Variants in NUDT6 observed in about 807,000 individuals in gnomAD.
NUDT6 encodes the protein FAD diphosphatase NUDT6.
In NUDT6, 24 loss-of-function variants were observed where a neutral mutation model predicts 36.8. The observed-to-expected ratio is 0.65, with a 90% CI of 0.47 to 0.92. NUDT6 has a LOEUF of 0.92. Ranked by LOEUF, NUDT6 falls within the 40% of genes least tolerant of loss-of-function variation. NUDT6 has a pLI of 0.00. For missense variants in NUDT6, 388 were observed against 392.8 expected, an observed-to-expected ratio of 0.99 and a Z score of 0.10; for synonymous variants, 163 against 157.0, an observed-to-expected ratio of 1.04 and a Z score of -0.29.
chr4:122,912,745 C>T, intron 2 of NUDT6, 122 bp from the exon 3 acceptor site: 1 of 645,908 alleles, frequency 1.5e-6, no homozygotes, highest in African/African-American at 1.8e-5. Context: ...GGTTCAAATA[C>T]AGGTTGAGTA....
chr4:122,893,577 CCTTT>C (rs1342528428), intron 4 of NUDT6: 4 of 171,124 alleles, frequency 2.3e-5, no homozygotes, highest in Non-Finnish European at 3.7e-5. Flanking sequence ...GGCTGCAGTT[CCTTT>C]GTTTCTTGAG....
chr4:122,917,847 TG>T, intron 1 of NUDT6, 143 bp from the exon 2 acceptor site: 2 of 657,358 alleles, frequency 3.0e-6, no homozygotes, highest in Non-Finnish European at 5.2e-6. Flanking sequence ...TCGCTGGCAC[TG>T]GAAGTACCAT....
In NUDT6 at chr4:122,922,582, G is replaced by T; in HGVS notation, c.-10C>A. ...TCAGTGGCTGCCGCATCTCCACGCC[G>T]CTTAATTCGTCCGTTGCCCAAATGA... On this transcript the variant is annotated 5_prime_UTR_variant, in exon 1 of 5. Coordinates refer to ENST00000304430, the MANE Select transcript of NUDT6 (RefSeq NM_007083.5). 2 of 1,587,852 alleles carry T rather than the reference G, an allele frequency of 1.3e-6. No homozygotes were observed. The highest frequency in any genetic ancestry group is 4.5e-5 in the East Asian group (2 of 44,622).
chr4:122,911,591 G>T (rs532148060), intron 3 of NUDT6, among the ~76,000 whole-genome samples: 1 of 152,154 alleles, frequency 6.6e-6, no homozygotes, highest in African/African-American at 2.4e-5. Flanking sequence ...GGAGCCATAA[G>T]AATAGTTTTA....
At chr4:122,900,955 G>A (rs947739981) in intron 3 of NUDT6, among the ~76,000 whole-genome samples, 10 of 152,004 alleles carry the variant, frequency 6.6e-5, no homozygotes, top group African/African-American at 2.4e-4. Context: ...ACTGAGGATT[G>A]GTTTTGAAAA....
upstream of NUDT6, chr4:122,922,803 A>G (rs1476049001): frequency 1.7e-6 from 1 of 577,222 alleles, no homozygotes; most frequent in East Asian, 2.9e-5. Context: ...CCACTCACTT[A>G]TTTTGTTTGG....
chr4:122,922,445 G>A lies in NUDT6; in HGVS notation c.128C>T (p.Ala43Val). The change falls in exon 1 of 5, where the codon GCG (alanine) becomes GTG (valine). Residue 43 changes from alanine to valine, a missense_variant. Physicochemically the swap from Ala to Val is moderately conservative, Grantham distance 64. Coordinates refer to ENST00000304430, the MANE Select transcript of NUDT6 (RefSeq NM_007083.5). ...QGYVRNPPVGACDLQGELDRF... is the reference protein window; with the variant it reads ...QGYVRNPPVGVCDLQGELDRF... ...GTCCAGCTCGCCCTGCAGATCGCAC[G>A]CTCCAACTGGCGGATTCCGCACGTA... 3 of 1,612,066 alleles carry A rather than the reference G, an allele frequency of 1.9e-6. No individual in the cohort carries two copies. Among genetic ancestry groups the A allele is most frequent in the Non-Finnish European group, 2.5e-6 (3 of 1,179,858 alleles).
At chr4:122,912,429 G>C in intron 3 of NUDT6, 139 bp downstream of exon 3, 2 of 656,272 alleles carry the variant, frequency 3.0e-6, no homozygotes, top group Middle Eastern at 8.6e-4. Flanking sequence ...AAATATCTAA[G>C]GTGATCCATA....
chr4:122,912,628 T>C lies in NUDT6; in HGVS notation c.443-5A>G. 6.5e-7 allele frequency: 1 copy of C among 1,533,324 alleles called. No individual in the cohort carries two copies. Among genetic ancestry groups the C allele is most frequent in the Non-Finnish European group, 9.0e-7 (1 of 1,107,678 alleles). The allele number at this position is 1,533,324 out of a possible 1,614,324, so 95.0% of individuals were successfully genotyped here. On this transcript the variant is annotated splice_polypyrimidine_tract_variant and splice_region_variant and intron_variant, in intron 2 of 4. Transcript: ENST00000304430. ...TACTTTCATCAAATACAGCTCCTAT[T>C]AGGGGAAAAAGAAAAGATAATTGAG...
chr4:122,913,452 T>C (rs987296903), intron 2 of NUDT6, among the ~76,000 whole-genome samples: 2 of 152,150 alleles, frequency 1.3e-5, no homozygotes, highest in African/African-American at 2.4e-5. Flanking sequence ...TTTCAACATA[T>C]GAATTTTAGG....
chr4:122,912,516 C>A, intron 3 of NUDT6, 52 bp downstream of exon 3: 1 of 1,259,586 alleles, frequency 7.9e-7, no homozygotes, highest in South Asian at 1.2e-5. Context: ...TTATTCTTCT[C>A]TAGAAAGAAA....
intron 3 of NUDT6, among the ~76,000 whole-genome samples, chr4:122,902,293 C>A (rs533567488): frequency 3.9e-5 from 6 of 152,256 alleles, no homozygotes; most frequent in African/African-American, 1.4e-4. Flanking sequence ...ATGTACATGG[C>A]AAACCCAGTC....
intron 2 of NUDT6, among the ~76,000 whole-genome samples, chr4:122,915,476 A>AG (rs1560773790): frequency 2.8e-5 from 2 of 71,906 alleles, no homozygotes; most frequent in African/African-American, 4.5e-5. Flanking sequence ...CCTCAAAAAA[A>AG]AAAAAAAAAA....
chr4:122,917,563 A>G lies in NUDT6; in HGVS notation c.380T>C (p.Leu127Pro). The change falls in exon 2 of 5, where the codon CTG becomes CCG. Residue 127 changes from leucine (L) to proline (P), a missense_variant. Coordinates refer to ENST00000304430, the MANE Select transcript of NUDT6 (RefSeq NM_007083.5). ...HAESDSSTLT[L>P]WLREGPSRLP... is the part of the protein sequence containing the mutation. ...TCTGCTGGGCCCTTCTCTCAGCCAC[A>G]GAGTCAACGTTGATGAATCCGATTC... 6.2e-7 allele frequency: 1 copy of G among 1,614,202 alleles called. No homozygotes were observed. The highest frequency in any genetic ancestry group is 8.5e-7 in the Non-Finnish European group (1 of 1,180,020).
rs760518177 is a variant in NUDT6, at chr4:122,922,379, G to T, written c.194C>A (p.Ala65Glu). The T allele has an allele frequency of 2.5e-6, 4 of 1,606,668 alleles. No homozygotes were observed. In the South Asian group the frequency reaches 4.4e-5, roughly 18 times the overall value. ...GISVRLARLD[A>E]LDRLDAAAFQ... ...GGCGGCAGCGTCCAGGCGGTCCAGC[G>T]CATCGAGCCGCGCCAGGCGCACCGA... Residue 65 changes from alanine to glutamate, a missense_variant, in exon 1 of 5, where the codon GCG (alanine) becomes GAG (glutamate). By Grantham distance (107) the Ala-to-Glu change is moderately radical (BLOSUM62 -1). Transcript: ENST00000304430.
chr4:122,901,429 C>T (rs1423977811), intron 3 of NUDT6, among the ~76,000 whole-genome samples: 1 of 152,024 alleles, frequency 6.6e-6, no homozygotes, highest in Non-Finnish European at 1.5e-5. Context: ...ATACATTTGC[C>T]AATTACAAGT....
intron 3 of NUDT6, among the ~76,000 whole-genome samples, chr4:122,901,931 G>A (rs1019019059): frequency 6.6e-6 from 1 of 152,040 alleles, no homozygotes; most frequent in Non-Finnish European, 1.5e-5. Flanking sequence ...TCAGAGCAAG[G>A]GCACAGACCT....
At chr4:122,900,057 A>ACACCCCCCCCCCCCCCCCC (rs376050692) in intron 3 of NUDT6, among the ~76,000 whole-genome samples, 1 of 88,678 alleles carries the variant, frequency 1.1e-5, no homozygotes, top group Non-Finnish European at 2.2e-5. Context: ...CACCCCCGCC[A>ACACCCCCCCCCCCCCCCCC]CCCCCCCCCC....
intron 3 of NUDT6, among the ~76,000 whole-genome samples, chr4:122,911,133 C>T (rs59369527): frequency 0.044 from 6,759 of 152,182 alleles, 491 homozygotes; most frequent in African/African-American, 0.15. Flanking sequence ...AATATCCACT[C>T]TGGGTTGAAG....
Sources: allele counts gnomAD v4.1 joint callset (sites outside exome capture counted in the v4.1 genomes callset), GRCh38; gene constraint gnomAD v4.1.1; transcripts MANE v1.5; gene names NCBI Gene and HGNC (gene_info 2026-07-23, HGNC 2026-07-21).